CARF: variants seen among roughly 807,000 people sequenced by gnomAD.
CARF encodes the protein calcium-responsive transcription factor.
In CARF, 57 loss-of-function variants were observed where a neutral mutation model predicts 82.0. The observed-to-expected ratio is 0.70, with a 90% confidence interval of 0.56 to 0.87. The LOEUF (loss-of-function observed/expected upper bound fraction) is 0.87, where lower values mean the gene tolerates loss of function less well. CARF is among the 40% of genes least tolerant of loss of function. The probability of loss-of-function intolerance (pLI) is 0.00; values close to 1 mark genes in which losing one functional copy is unlikely to be tolerated. For synonymous variants in CARF, 268 were observed against 290.1 expected, an observed-to-expected ratio of 0.92 and a Z score of 0.77; for missense variants, 771 against 855.8, an observed-to-expected ratio of 0.90 and a Z score of 1.24.
intron 8 of CARF, among the ~76,000 whole-genome samples, chr2:202,959,815 C>CAAAAA (rs11334679): frequency 7.1e-6 from 1 of 140,248 alleles, no homozygotes; most frequent in East Asian, 2.1e-4. Context: ...ATCTCAAAAA[C>CAAAAA]AAAAAAAAAA....
intron 3 of CARF, among the ~76,000 whole-genome samples, chr2:202,926,148 G>C (rs1286875656): frequency 6.6e-6 from 1 of 152,182 alleles, no homozygotes; most frequent in African/African-American, 2.4e-5. Context: ...GCCGACCAGA[G>C]CCTGTGGGGG....
At chr2:202,918,465 G>C (rs899309436) in intron 2 of CARF, among the ~76,000 whole-genome samples, 9 of 152,266 alleles carry the variant, frequency 5.9e-5, no homozygotes, top group African/African-American at 2.2e-4. Context: ...AGCTTGCAGT[G>C]AGCCGAGAGC....
chr2:202,967,075 C>T lies in CARF; in HGVS notation c.930C>T (p.Leu310=). The change falls in exon 10 of 17, where the codon CTC becomes CTT. Residue 310 remains leucine (L), a synonymous_variant. Transcript: ENST00000438828. ...VSEQESRSCQ[L]YKATCPARIY... Reference sequence around the variant, plus strand: ...AGCAGGAAAGCAGGTCTTGTCAGCTCTACAAAGCCACTTGTCCAGCTCGGT... The same window carrying T: ...AGCAGGAAAGCAGGTCTTGTCAGCTTTACAAAGCCACTTGTCCAGCTCGGT... 1.2e-6 allele frequency: 2 copies of T among 1,613,998 alleles called. No individual in the cohort carries two copies. The highest frequency in any genetic ancestry group is 8.5e-7 in the Non-Finnish European group (1 of 1,179,986).
At chr2:202,962,832 C>T (rs1355557280) in intron 9 of CARF, 1 of 151,936 alleles carries the variant, frequency 6.6e-6, no homozygotes, top group African/African-American at 2.4e-5. Context: ...GTGACCAAAC[C>T]ACAAGTATTT....
At chr2:202,947,875 A>AT (rs1574624037) in intron 5 of CARF, among the ~76,000 whole-genome samples, 1 of 152,006 alleles carries the variant, frequency 6.6e-6, no homozygotes, top group South Asian at 2.1e-4. Flanking sequence ...CCATTTTCCA[A>AT]TTTTTGCTTT....
chr2:202,982,993 T>C (rs564753376), intron 16 of CARF, among the ~76,000 whole-genome samples: 2 of 152,194 alleles, frequency 1.3e-5, no homozygotes, highest in South Asian at 4.1e-4. Context: ...TCAAGCGATC[T>C]TCCCACCTCA....
rs376379744 is a variant in CARF at position 202,977,225 on chromosome 2, A to G, written c.1495-44A>G. The G allele has an allele frequency of 5.9e-5, 83 of 1,412,404 alleles. No homozygotes were observed. In the African/African-American group the frequency reaches 1.0e-3, roughly 18 times the overall value. 87.5% of individuals were successfully genotyped at this position (1,412,404 alleles called of 1,614,324 possible). A position where few individuals can be genotyped will look rare whatever the true frequency, so the allele number is the denominator to read the frequency against. On this transcript the variant is annotated intron_variant, in intron 13 of 16. Transcript: ENST00000438828. ...TAATGACGTCTTAAGATATTTTTCA[A>G]TATAAGAGCTTTATTTTTACTGAAA...
chr2:202,935,227 AATAT>A (rs567435475), intron 3 of CARF, among the ~76,000 whole-genome samples: 2 of 141,536 alleles, frequency 1.4e-5, no homozygotes, highest in Admixed American at 7.5e-5. Context: ...TTACTATACT[AATAT>A]ATATATTATA....
At chr2:202,968,949 G>T (rs543749176) in intron 10 of CARF, among the ~76,000 whole-genome samples, 44 of 152,252 alleles carry the variant, frequency 2.9e-4, no homozygotes, top group African/African-American at 1.1e-3. Context: ...ATTTGGGTGG[G>T]TAGAGAGTTA....
At chr2:202,926,805 C>G (rs1238987234) in intron 3 of CARF, among the ~76,000 whole-genome samples, 1 of 152,076 alleles carries the variant, frequency 6.6e-6, no homozygotes, top group Non-Finnish European at 1.5e-5. Context: ...TCTTGCATAT[C>G]TCTTGTCAAG....
At chr2:202,966,942 C>G (rs1205835919) in intron 9 of CARF, 36 bp from the exon 10 acceptor site, 1 of 1,605,232 alleles carries the variant, frequency 6.2e-7, no homozygotes, top group Non-Finnish European at 8.5e-7. Context: ...TAGATGGACA[C>G]TTGAATTAAT....
intron 15 of CARF, 123 bp downstream of exon 15, chr2:202,981,808 A>C: frequency 9.6e-7 from 1 of 1,037,012 alleles, no homozygotes; most frequent in Non-Finnish European, 1.4e-6. Flanking sequence ...ATATGTTTTC[A>C]TTGTTAATTT....
chr2:202,919,230 T>C (rs941061884), intron 2 of CARF, among the ~76,000 whole-genome samples: 2 of 152,216 alleles, frequency 1.3e-5, no homozygotes, highest in Non-Finnish European at 2.9e-5. Flanking sequence ...TACAGAAATT[T>C]ATACCAATTT....
At chr2:202,973,975 C>G (rs1299465865) in intron 12 of CARF, among the ~76,000 whole-genome samples, 2 of 152,076 alleles carry the variant, frequency 1.3e-5, no homozygotes, top group Non-Finnish European at 2.9e-5. Flanking sequence ...GTAGTCCCAG[C>G]TACTCGGGAG....
chr2:202,941,909 C>T lies in CARF; in HGVS notation c.7C>T (p.Gln3Ter). The change falls in exon 4 of 17, where the codon CAA becomes TAA. Residue 3 changes from glutamine to a stop codon, truncating the protein, a stop_gained. Transcript: ENST00000438828. LOFTEE classifies it high-confidence loss of function. ME[Q>*]SNDSLRVNHN... ...AATTGAATATGATGTCAGCATGGAA[C>T]AATCTAATGATTCATTAAGAGTCAA... 6.2e-7 allele frequency: 1 copy of T among 1,611,760 alleles called. No homozygotes were observed. The highest frequency in any genetic ancestry group is 8.5e-7 in the Non-Finnish European group (1 of 1,178,302).
chr2:202,932,463 C>G (rs1259610253), intron 3 of CARF, among the ~76,000 whole-genome samples: 1 of 152,020 alleles, frequency 6.6e-6, no homozygotes, highest in East Asian at 1.9e-4. Context: ...GGGCACAGAA[C>G]TGGCCCAAGC....
rs1192272383 is a variant in CARF, at chr2:202,954,077, G to A, written c.500G>A (p.Ser167Asn). Residue 167 changes from serine (S) to asparagine (N), a missense_variant, in exon 7 of 17, where the codon AGC (serine) becomes AAC (asparagine). Physicochemically the swap from Ser to Asn is conservative, Grantham distance 46 (BLOSUM62 1). Coordinates refer to ENST00000438828, the MANE Select transcript of CARF (RefSeq NM_024744.17). ...VRVDTLADNT[S>N]NYILHPQTSF... ...GTGGATACTCTAGCAGACAATACCA[G>A]CAATTACATTCTTCATCCTCAAACA... The A allele has an allele frequency of 6.2e-7, 1 of 1,613,534 alleles. No individual in the cohort carries two copies. The highest frequency in any genetic ancestry group is 8.5e-7 in the Non-Finnish European group (1 of 1,179,798).
intron 2 of CARF, among the ~76,000 whole-genome samples, chr2:202,923,945 C>T (rs938555866): frequency 2.6e-5 from 4 of 152,276 alleles, no homozygotes; most frequent in East Asian, 3.9e-4. Flanking sequence ...GAAACTGGAT[C>T]CTCATCTCTC....
rs1306276329 is a variant in CARF, at chr2:202,952,623, G to A, written c.371G>A (p.Gly124Glu). 1 of 1,613,832 alleles carries A rather than the reference G, an allele frequency of 6.2e-7. No homozygotes were observed. The highest frequency in any genetic ancestry group is 8.5e-7 in the Non-Finnish European group (1 of 1,179,946). The stretch of plus-strand genomic sequence containing the variant: ...CGTGTAATTCCACCTACCCAGACAG[G>A]AATGGCACAAGTGATTATACCTCAG... ...VLRVIPPTQT[G>E]MAQVIIPQGQ... Residue 124 changes from glycine to glutamate, a missense_variant, in exon 6 of 17, where the codon GGA becomes GAA. Transcript: ENST00000438828.
Sources: allele counts gnomAD v4.1 joint callset (sites outside exome capture counted in the v4.1 genomes callset), GRCh38; gene constraint gnomAD v4.1.1; transcripts MANE v1.5; gene names NCBI Gene and HGNC (gene_info 2026-07-23, HGNC 2026-07-21).